Variants in CDKL1 observed in about 807,000 individuals in gnomAD.
CDKL1 encodes cyclin-dependent kinase-like 1.
Under a neutral mutation model 42.0 loss-of-function variants are expected in CDKL1, and 41 were observed. That is an observed-to-expected ratio of 0.98 (90% CI 0.76 to 1.27). CDKL1 has a LOEUF of 1.27. Ranked by LOEUF, CDKL1 falls within the 50% of genes most tolerant of loss-of-function variation. The pLI is 0.00. For missense variants in CDKL1, 394 were observed against 428.4 expected (o/e 0.92, Z 0.71); for synonymous variants, 153 against 158.6 (o/e 0.96, Z 0.26).
chr14:50,390,852 G>C (rs904469142), intron 2 of CDKL1, among the ~76,000 whole-genome samples: 3 of 151,244 alleles, frequency 2.0e-5, no homozygotes, highest in African/African-American at 7.3e-5. Context: ...CTTTTTTTTT[G>C]AGACAGTGTC....
chr14:50,343,571 C>T (rs1319312789), intron 4 of CDKL1, among the ~76,000 whole-genome samples: 1 of 152,176 alleles, frequency 6.6e-6, no homozygotes, highest in Non-Finnish European at 1.5e-5. Flanking sequence ...ATCATGATGA[C>T]ATATGGTCAG....
intron 2 of CDKL1, among the ~76,000 whole-genome samples, chr14:50,370,865 T>C (rs2034571668): frequency 6.6e-6 from 1 of 152,178 alleles, no homozygotes; most frequent in Admixed American, 6.5e-5. Context: ...TCTGCCCCCA[T>C]GATCTAAACA....
rs1179335292 is a variant in CDKL1 at position 50,396,134 on chromosome 14, C to T, written c.-266G>A. On this transcript the variant is annotated 5_prime_UTR_variant, in exon 2 of 10. Transcript: ENST00000395834. Reference sequence around the variant, plus strand: ...CTGGGAGGCGCAGGTTGCAGTGAGCCGAGATCGCGCCACTGCACTCCAGCC... The same window carrying T: ...CTGGGAGGCGCAGGTTGCAGTGAGCTGAGATCGCGCCACTGCACTCCAGCC... 3 of 1,029,576 alleles carry T rather than the reference C, an allele frequency of 2.9e-6. No individual in the cohort carries two copies. The highest frequency in any genetic ancestry group is 3.5e-6 in the Non-Finnish European group (3 of 861,746). 63.8% of individuals were successfully genotyped at this position (1,029,576 alleles called of 1,614,324 possible).
chr14:50,362,810 A>C (rs1196116106), intron 2 of CDKL1: 3 of 284,782 alleles, frequency 1.1e-5, no homozygotes, highest in African/African-American at 6.5e-5. Flanking sequence ...CTCTCTGTAA[A>C]ATGGACCAAT....
chr14:50,334,486 A>G (rs1219597907), intron 8 of CDKL1, 79 bp downstream of exon 8: 11 of 843,294 alleles, frequency 1.3e-5, no homozygotes, highest in African/African-American at 3.4e-5. Context: ...CATTGCATGG[A>G]TTGACATAAG....
At chr14:50,335,936 A>G (rs527732655) in intron 7 of CDKL1, 3 of 1,317,990 alleles carry the variant, frequency 2.3e-6, no homozygotes, top group Non-Finnish European at 3.0e-6. Context: ...AAAAAATCCT[A>G]AAGTAGGTTT....
At chr14:50,343,562 T>A (rs751372420) in intron 4 of CDKL1, among the ~76,000 whole-genome samples, 2 of 152,210 alleles carry the variant, frequency 1.3e-5, no homozygotes, top group Non-Finnish European at 2.9e-5. Flanking sequence ...ACCATGAATA[T>A]CATGATGACA....
chr14:50,332,310 C>T lies in CDKL1; in HGVS notation c.918G>A (p.Lys306=). 1 of 1,614,118 alleles carries T rather than the reference C, an allele frequency of 6.2e-7. No homozygotes were observed. Among genetic ancestry groups the T allele is most frequent in the Non-Finnish European group, 8.5e-7 (1 of 1,180,008 alleles). ...GGTGCTTTCGGCTCTTTCTTAGGGT[C>T]TTCCTTGTTGGTTTGTTGTGTTCTT... The part of the protein sequence containing the change: ...LAKEHNKPTR[K]TLRKSRKHHC... Residue 306 remains lysine (K), a synonymous_variant, in exon 9 of 10, where the codon AAG becomes AAA. Transcript: ENST00000395834.
rs776264239 is a variant in CDKL1, at chr14:50,341,234, T to C, written c.455-2A>G. ...CTGTATAGTAGTCACTCGGTCCAGC[T>C]AGCCAGTGATGGAACATGGAAAACA... On this transcript the variant is annotated splice_acceptor_variant, in intron 5 of 9. Coordinates refer to ENST00000395834, the MANE Select transcript of CDKL1 (RefSeq NM_004196.7). LOFTEE classifies it high-confidence loss of function. 2.5e-6 allele frequency: 4 copies of C among 1,587,908 alleles called. No individual in the cohort carries two copies. The highest frequency in any genetic ancestry group is 3.4e-6 in the Non-Finnish European group (4 of 1,162,714).
intron 6 of CDKL1, among the ~76,000 whole-genome samples, chr14:50,340,582 C>T (rs2033478884): frequency 6.6e-6 from 1 of 152,118 alleles, no homozygotes; most frequent in Non-Finnish European, 1.5e-5. Flanking sequence ...TAGCTTTCCT[C>T]CTGACACTTA....
At chr14:50,392,032 C>T (rs2035272572) in intron 2 of CDKL1, among the ~76,000 whole-genome samples, 1 of 152,208 alleles carries the variant, frequency 6.6e-6, no homozygotes, top group Non-Finnish European at 1.5e-5. Flanking sequence ...TCCACTCACA[C>T]AGCTCTTGTC....
chr14:50,379,697 G>A (rs980254720), intron 2 of CDKL1, among the ~76,000 whole-genome samples: 1 of 152,132 alleles, frequency 6.6e-6, no homozygotes, highest in African/African-American at 2.4e-5. Flanking sequence ...TGCATTGCCA[G>A]AAGAAACTGA....
In CDKL1 at chr14:50,338,056, C is replaced by T. The variant is rs11570850; in HGVS notation, c.738+891G>A. 9.7e-3 allele frequency among the ~76,000 whole-genome samples: 1,479 copies of T among 152,220 alleles called. 26 individuals are homozygous for T. The highest frequency in any genetic ancestry group is 0.032 in the African/African-American group (1,348 of 41,514). Reference sequence around the variant, plus strand: ...AAATAATTTCTATTAAATAATGCCACATCTTTATGCTCTTGGATTATGGTT... The same window carrying T: ...AAATAATTTCTATTAAATAATGCCATATCTTTATGCTCTTGGATTATGGTT... On this transcript the variant is annotated intron_variant, in intron 7 of 9. Transcript: ENST00000395834.
intron 2 of CDKL1, among the ~76,000 whole-genome samples, chr14:50,367,673 C>T (rs1303291955): frequency 6.6e-6 from 1 of 152,138 alleles, no homozygotes; most frequent in Non-Finnish European, 1.5e-5. Context: ...CCATATATAC[C>T]ACAAAGATGT....
At chr14:50,357,436 G>A (rs2034088404) in intron 3 of CDKL1, among the ~76,000 whole-genome samples, 1 of 152,086 alleles carries the variant, frequency 6.6e-6, no homozygotes, top group Non-Finnish European at 1.5e-5. Context: ...CAGTCCATGG[G>A]ATGGGACACC....
At chr14:50,369,555 A>G (rs2034528613) in intron 2 of CDKL1, among the ~76,000 whole-genome samples, 1 of 149,074 alleles carries the variant, frequency 6.7e-6, no homozygotes, top group African/African-American at 2.4e-5. Context: ...TTGTAAATAT[A>G]CAATTTATAA....
intron 7 of CDKL1, among the ~76,000 whole-genome samples, chr14:50,337,760 G>T (rs548099800): frequency 6.7e-6 from 1 of 149,000 alleles, no homozygotes; most frequent in Non-Finnish European, 1.5e-5. Flanking sequence ...AGGTCACTGC[G>T]GCCTCAACTT....
At chr14:50,342,522 CAAAT>C (rs936081828) in intron 4 of CDKL1, 7 of 796,130 alleles carry the variant, frequency 8.8e-6, no homozygotes, top group African/African-American at 7.2e-5. Flanking sequence ...TTCAGATAAA[CAAAT>C]AATTTTTTTA....
At chr14:50,351,434 T>TG (rs2033898421) in intron 3 of CDKL1, among the ~76,000 whole-genome samples, 2 of 152,020 alleles carry the variant, frequency 1.3e-5, no homozygotes, top group Non-Finnish European at 2.9e-5. Flanking sequence ...TGAGAGGCTA[T>TG]TAAAATGAGT....
Sources: allele counts gnomAD v4.1 joint callset (sites outside exome capture counted in the v4.1 genomes callset), GRCh38; gene constraint gnomAD v4.1.1; transcripts MANE v1.5; gene names NCBI Gene and HGNC (gene_info 2026-07-23, HGNC 2026-07-21).